Variants in MGAM observed in about 807,000 individuals in gnomAD.
MGAM encodes the protein alpha-1,4-glucosidase.
In MGAM, 253 loss-of-function variants were observed where a neutral mutation model predicts 358.8. The ratio of observed to expected loss-of-function variants is 0.71; its 90% CI spans 0.64 to 0.78. The LOEUF (loss-of-function observed/expected upper bound fraction) is 0.78. Ranked by LOEUF, MGAM falls within the 30% of genes least tolerant of loss-of-function variation. The pLI, the probability that MGAM is intolerant of heterozygous loss-of-function variation, is 0.00. For missense variants in MGAM, 3,080 were observed against 3,432.6 expected, an observed-to-expected ratio of 0.90 and a Z score of 2.57; for synonymous variants, 1,105 against 1,227.1, an observed-to-expected ratio of 0.90 and a Z score of 2.08.
At position 142,031,714 on chromosome 7, in the gene MGAM, C is replaced by A. The variant is rs782194727; in HGVS notation, c.1505C>A (p.Thr502Asn). 9 of 1,613,270 alleles carry A rather than the reference C, an allele frequency of 5.6e-6. No homozygotes were observed. In the Admixed American group the frequency reaches 1.5e-4, roughly 27 times the overall value. The change falls in exon 13 of 71, where the codon ACC becomes AAC. Residue 502 changes from threonine (T) to asparagine (N), a missense_variant. Thr to Asn is a moderately conservative substitution (Grantham distance 65, BLOSUM62 0). Coordinates refer to ENST00000475668, the MANE Select transcript of MGAM (RefSeq NM_001365693.1). ...WPGQTVFPDY[T>N]NPNCAVWWTK... ...GGACAAACTGTGTTTCCTGATTATACCAATCCCAACTGTGCTGTTTGGTGG... is the reference window on the plus strand; with the variant it reads ...GGACAAACTGTGTTTCCTGATTATAACAATCCCAACTGTGCTGTTTGGTGG...
At chr7:142,008,418 G>A in intron 2 of MGAM, 88 bp from the exon 3 acceptor site, 1 of 1,374,130 alleles carries the variant, frequency 7.3e-7, no homozygotes, top group Non-Finnish European at 9.9e-7. Flanking sequence ...CTACTCAGTA[G>A]TGGAGTTAAT....
chr7:142,067,233 T>G (rs1165246233), intron 41 of MGAM, 108 bp from the exon 42 acceptor site: 3 of 1,009,430 alleles, frequency 3.0e-6, no homozygotes, highest in Non-Finnish European at 4.6e-6. Flanking sequence ...CAAGGATGGC[T>G]CAGGGGCAGC....
chr7:142,056,039 G>A lies in MGAM; in HGVS notation c.3523G>A (p.Gly1175Arg), dbSNP rs1487334316. Residue 1175 changes from glycine (G) to arginine (R), a missense_variant, in exon 29 of 71, where the codon GGG becomes AGG. Coordinates refer to ENST00000475668, the MANE Select transcript of MGAM (RefSeq NM_001365693.1). ...NSYGVHPYYMGLEEDGSAHGV... is the reference protein window; with the variant it reads ...NSYGVHPYYMRLEEDGSAHGV... ...CTATGGTGTCCACCCCTACTACATG[G>A]GGCTGGAGGAGGACGGCAGTGCCCA... The A allele has an allele frequency of 1.2e-6, 2 of 1,611,956 alleles. No individual in the cohort carries two copies. The highest frequency in any genetic ancestry group is 8.5e-7 in the Non-Finnish European group (1 of 1,179,256).
At chr7:142,077,701 T>C (rs1468376678) in intron 47 of MGAM, among the ~76,000 whole-genome samples, 1 of 145,636 alleles carries the variant, frequency 6.9e-6, no homozygotes, top group African/African-American at 2.4e-5. Flanking sequence ...CAATTTGCCC[T>C]GATGTGATTA....
chr7:142,056,727 CTA>C, intron 29 of MGAM, 101 bp from the exon 30 acceptor site: 1 of 1,119,220 alleles, frequency 8.9e-7, no homozygotes, highest in Non-Finnish European at 1.3e-6. Context: ...TGTTACTACT[CTA>C]TGATAGGGAG....
At chr7:142,005,264 C>T (rs548278728) in intron 1 of MGAM, among the ~76,000 whole-genome samples, 1 of 151,982 alleles carries the variant, frequency 6.6e-6, no homozygotes, top group South Asian at 2.1e-4. Flanking sequence ...AATTTCTTAT[C>T]TTTTAAAGAA....
At chr7:142,097,397 TTG>T (rs1307701338) in intron 65 of MGAM, among the ~76,000 whole-genome samples, 194 bp from the exon 66 acceptor site, 1 of 152,188 alleles carries the variant, frequency 6.6e-6, no homozygotes, top group African/African-American at 2.4e-5. Context: ...TGAAAGCCAC[TTG>T]TTTTGGGGTA....
At chr7:142,054,128 C>G (rs1811270968) in intron 26 of MGAM, among the ~76,000 whole-genome samples, 1 of 152,224 alleles carries the variant, frequency 6.6e-6, no homozygotes, top group Non-Finnish European at 1.5e-5. Flanking sequence ...CTCCCAGAAA[C>G]AATGTTAGGC....
chr7:142,073,812 G>A (rs531762092), intron 44 of MGAM, among the ~76,000 whole-genome samples: 1 of 146,114 alleles, frequency 6.8e-6, no homozygotes, highest in Non-Finnish European at 1.5e-5. Context: ...GGTTGCAGAA[G>A]CAGCTTTTAT....
intron 57 of MGAM, among the ~76,000 whole-genome samples, chr7:142,090,349 C>T (rs4725567): frequency 6.9e-6 from 1 of 144,396 alleles, no homozygotes; most frequent in African/African-American, 2.4e-5. Context: ...TATTCTAATT[C>T]TCCATCCCCC....
At chr7:142,001,103 A>G (rs1804696945) in intron 1 of MGAM, among the ~76,000 whole-genome samples, 1 of 152,186 alleles carries the variant, frequency 6.6e-6, no homozygotes, top group Non-Finnish European at 1.5e-5. Context: ...TCTTTATGGA[A>G]TTTAACAAGC....
chr7:142,059,843 G>A lies in MGAM; in HGVS notation c.3949-13G>A. 1.2e-6 allele frequency: 2 copies of A among 1,602,496 alleles called. No individual in the cohort carries two copies. Among genetic ancestry groups the A allele is most frequent in the Non-Finnish European group, 1.7e-6 (2 of 1,174,036 alleles). On this transcript the variant is annotated splice_polypyrimidine_tract_variant and intron_variant, in intron 32 of 70. Transcript: ENST00000475668. ...GCTTTGGTTTTCCCAACTGACTTAT[G>A]CTTTGATTTCAGGATCCAGCCATTT...
chr7:142,008,239 T>C (rs187089300), intron 2 of MGAM, among the ~76,000 whole-genome samples: 2 of 152,310 alleles, frequency 1.3e-5, no homozygotes, highest in East Asian at 3.9e-4. Context: ...CTTCATGAGC[T>C]TCTAGTCTAA....
rs778323561 is a variant in MGAM at position 142,062,610 on chromosome 7, T to C, written c.4165T>C (p.Ser1389Pro). 15 of 1,611,122 alleles carry C rather than the reference T, an allele frequency of 9.3e-6. No individual in the cohort carries two copies. In the South Asian group the frequency reaches 1.4e-4, roughly 15 times the overall value. The change falls in exon 35 of 71, where the codon TCA (serine) becomes CCA (proline). Residue 1389 changes from serine to proline, a missense_variant. Physicochemically the swap from Ser to Pro is moderately conservative, Grantham distance 74 (BLOSUM62 -1). This residue lies in a region of MGAM where 1,816 missense variants were observed against 1,840.5 expected (regional missense o/e 0.99). Transcript: ENST00000475668. ...YVAFPDFFRNSTAKWWKREIE... is the reference protein window; with the variant it reads ...YVAFPDFFRNPTAKWWKREIE... ...GGCCTTCCCAGACTTTTTCCGTAAT[T>C]CAACTGCCAAGTGGTGGAAGAGGGA... is the stretch of plus-strand genomic sequence containing the variant.
rs556296527 is a variant in MGAM, at chr7:142,052,862, C to T, written c.3037C>T (p.His1013Tyr). 6.8e-6 allele frequency: 11 copies of T among 1,613,866 alleles called. No individual in the cohort carries two copies. The East Asian group carries it at 2.2e-4, about 33-fold the overall frequency. ...TGTCAGTGATGTTCAGTATAATTCC[C>T]ATGGGGCCACAGCTGACATCTCCTT... is the stretch of plus-strand genomic sequence containing the variant. The part of the protein sequence containing the change: ...YSVSDVQYNS[H>Y]GATADISLKS... Residue 1013 changes from histidine to tyrosine, a missense_variant, in exon 26 of 71, where the codon CAT (histidine) becomes TAT (tyrosine). Physicochemically the swap from His to Tyr is moderately conservative, Grantham distance 83 (BLOSUM62 2). Transcript: ENST00000475668.
chr7:141,995,823 C>CGGTA (rs1318876876), upstream of MGAM: 2 of 152,296 alleles, frequency 1.3e-5, no homozygotes, highest in African/African-American at 4.8e-5. Flanking sequence ...CTTGATAGGT[C>CGGTA]GGTAAATAGT....
intron 1 of MGAM, among the ~76,000 whole-genome samples, chr7:141,996,356 A>T (rs1183622941): frequency 2.8e-4 from 43 of 152,234 alleles, no homozygotes; most frequent in South Asian, 4.2e-4. Flanking sequence ...AACAACACCA[A>T]TAATAAATCA....
Position 142,075,124 on chromosome 7 carries a change from C to T in MGAM, c.5275+951C>T, listed in dbSNP as rs544174174. Among the ~76,000 whole-genome samples, 338 of 146,296 alleles carry T rather than the reference C, an allele frequency of 2.3e-3. 48 individuals carry two copies. The highest frequency in any genetic ancestry group is 9.1e-3 in the South Asian group (42 of 4,600). ...TGGACTTTCTGTCTCTGGCTTATTT[C>T]ACTTAGTATAATGTCCTCCTAAGTC... On this transcript the variant is annotated intron_variant, in intron 45 of 70. Transcript: ENST00000475668.
In MGAM at chr7:142,048,350, G is replaced by A. The variant is rs369209989; in HGVS notation, c.2587+477G>A. 3.0e-3 allele frequency among the ~76,000 whole-genome samples: 461 copies of A among 151,410 alleles called. 2 individuals are homozygous for A. The Middle Eastern group carries it at 0.034, about 11-fold the overall frequency. ...TGTTTAGTAGAGATGAGGTTTCACC[G>A]TGTTAGCCAGGATGATCTCGATCTC... On this transcript the variant is annotated intron_variant, in intron 22 of 70. Transcript: ENST00000475668.
Sources: allele counts gnomAD v4.1 joint callset (sites outside exome capture counted in the v4.1 genomes callset), GRCh38; gene constraint gnomAD v4.1.1; regional missense constraint gnomAD v4.1.1; transcripts MANE v1.5; gene names NCBI Gene and HGNC (gene_info 2026-07-23, HGNC 2026-07-21).